The following KLF15 variants were observed in gnomAD, a reference collection of about 807,000 sequenced individuals.
KLF15 encodes the protein KLF transcription factor 15, also known as Krueppel-like factor 15.
Under a neutral mutation model 24.6 loss-of-function variants are expected in KLF15, and 4 were observed. The observed-to-expected ratio is 0.16, with a 90% CI of 0.08 to 0.37. The LOEUF is 0.37. KLF15 is among the 10% of genes least tolerant of loss of function. The pLI is 1.00. For synonymous variants in KLF15, 246 were observed against 236.3 expected (o/e 1.04, Z -0.37); for missense variants, 496 against 560.6 (o/e 0.88, Z 1.16).
At chr3:126,344,487 C>T (rs2082515387) in intron 2 of KLF15, among the ~76,000 whole-genome samples, 2 of 152,216 alleles carry the variant, frequency 1.3e-5, no homozygotes, top group African/African-American at 4.8e-5. Flanking sequence ...CCCAATGCTA[C>T]CAGGGACCAG....
the KLF15 span, among the ~76,000 whole-genome samples, chr3:126,313,853 T>C: frequency 3.3e-5 from 5 of 152,254 alleles, no homozygotes; most frequent in Non-Finnish European, 2.9e-5. Context: ...GCACGTTGTG[T>C]GGCTAAAGTC....
chr3:126,322,191 A>C, the KLF15 span, among the ~76,000 whole-genome samples: 5 of 152,138 alleles, frequency 3.3e-5, no homozygotes, highest in Admixed American at 3.3e-4. Context: ...TACCTGGATA[A>C]ATTTCTTACT....
chr3:126,328,464 A>G, the KLF15 span, among the ~76,000 whole-genome samples: 1 of 152,280 alleles, frequency 6.6e-6, no homozygotes, highest in South Asian at 2.1e-4. Flanking sequence ...GCATTGCTGG[A>G]TCAAATGGTT....
chr3:126,328,280 G>C, the KLF15 span, among the ~76,000 whole-genome samples: 1 of 152,102 alleles, frequency 6.6e-6, no homozygotes, highest in African/African-American at 2.4e-5. Context: ...TTATGGCTGA[G>C]TAGTATTCCA....
In KLF15 at chr3:126,352,582, G is replaced by A. The variant is rs267599592; in HGVS notation, c.341C>T (p.Pro114Leu). The A allele has an allele frequency of 6.2e-6, 10 of 1,612,548 alleles. No homozygotes were observed. The East Asian group carries it at 2.2e-4, about 36-fold the overall frequency. Residue 114 changes from proline to leucine, a missense_variant, in exon 2 of 3, where the codon CCT (proline) becomes CTT (leucine). Transcript: ENST00000296233. Reference protein sequence around the residue: ...AWGPWRRAAAPVKGEHFCLPE... With the variant: ...AWGPWRRAAALVKGEHFCLPE... ...CAAGCAGAAATGCTCCCCCTTCACA[G>A]GGGCCGCTGCCCTTCGCCAGGGCCC...
the KLF15 span, among the ~76,000 whole-genome samples, chr3:126,306,290 C>T: frequency 6.6e-6 from 1 of 152,076 alleles, no homozygotes; most frequent in Non-Finnish European, 1.5e-5. Context: ...GTCTTTACTC[C>T]CCTTGACAAC....
chr3:126,316,643 G>A, the KLF15 span, among the ~76,000 whole-genome samples: 13 of 150,286 alleles, frequency 8.7e-5, no homozygotes, highest in Non-Finnish European at 1.3e-4. Context: ...GAGTGCATGG[G>A]CCAGAGTAGG....
At chr3:126,320,161 T>C in the KLF15 span, among the ~76,000 whole-genome samples, 2 of 152,184 alleles carry the variant, frequency 1.3e-5, no homozygotes, top group African/African-American at 2.4e-5. Context: ...CTGAAGACTC[T>C]GACAAACTGG....
chr3:126,316,922 A>G, the KLF15 span, among the ~76,000 whole-genome samples: 1 of 152,254 alleles, frequency 6.6e-6, no homozygotes, highest in South Asian at 2.1e-4. Context: ...CCTGGAAGCC[A>G]CAGAAACATC....
chr3:126,327,037 G>A, the KLF15 span, among the ~76,000 whole-genome samples: 2 of 152,300 alleles, frequency 1.3e-5, no homozygotes, highest in Non-Finnish European at 2.9e-5. Flanking sequence ...GTGCAGGACT[G>A]CTGGCTCAAC....
Position 126,343,411 on chromosome 3 carries a change from C to CATTAA in KLF15, c.*315_*316insTTAAT. 1 of 334,272 alleles carries CATTAA rather than the reference C, an allele frequency of 3.0e-6. No individual in the cohort carries two copies. The highest frequency in any genetic ancestry group is 4.3e-5 in the South Asian group (1 of 23,438). The allele number at this position is 334,272 out of a possible 1,614,324, so 20.7% of individuals were successfully genotyped here. A position where few individuals can be genotyped will look rare whatever the true frequency, so the allele number is the denominator to read the frequency against. ...GCCCAGTGGGAGAAGGGCCAGGTCCCCAAAACTCTGCCTGCAACCAGCGGC... is the reference window on the plus strand; with the variant it reads ...GCCCAGTGGGAGAAGGGCCAGGTCCCATTAACAAAACTCTGCCTGCAACCAGCGGC... On this transcript the variant is annotated 3_prime_UTR_variant, in exon 3 of 3. Transcript: ENST00000296233.
the KLF15 span, among the ~76,000 whole-genome samples, chr3:126,312,539 T>A: frequency 6.6e-6 from 1 of 152,208 alleles, no homozygotes; most frequent in Non-Finnish European, 1.5e-5. Flanking sequence ...CTGTTTCTTA[T>A]GTCTGACTCT....
chr3:126,304,541 G>A, the KLF15 span, among the ~76,000 whole-genome samples: 1 of 152,068 alleles, frequency 6.6e-6, no homozygotes, highest in South Asian at 2.1e-4. Flanking sequence ...AGATCTTCAG[G>A]GTTCTCTTCT....
downstream of KLF15, among the ~76,000 whole-genome samples, chr3:126,338,533 AAGG>A (rs1445275228): frequency 1.3e-5 from 2 of 152,174 alleles, no homozygotes; most frequent in Non-Finnish European, 2.9e-5. Flanking sequence ...CTTCTGTGGG[AAGG>A]AGGAGACCCT....
chr3:126,292,208 G>A, the KLF15 span, among the ~76,000 whole-genome samples: 8,452 of 152,184 alleles, frequency 0.056, 333 homozygotes, highest in South Asian at 0.18. Flanking sequence ...CACAGGGCTG[G>A]GGTCCCAGTT....
At chr3:126,293,174 G>T in the KLF15 span, among the ~76,000 whole-genome samples, 11 of 150,862 alleles carry the variant, frequency 7.3e-5, no homozygotes, top group African/African-American at 2.7e-4. Flanking sequence ...AATTAGCCAG[G>T]TGTGGTGGTG....
intron 2 of KLF15, among the ~76,000 whole-genome samples, chr3:126,351,260 A>C (rs2082579859): frequency 6.6e-6 from 1 of 152,158 alleles, no homozygotes; most frequent in South Asian, 2.1e-4. Flanking sequence ...CCCAGGGAGG[A>C]AGCATAGGCG....
At chr3:126,322,281 C>G in the KLF15 span, among the ~76,000 whole-genome samples, 1 of 152,158 alleles carries the variant, frequency 6.6e-6, no homozygotes, top group Non-Finnish European at 1.5e-5. Context: ...AATCAGAAGT[C>G]CCAGAATGAA....
the KLF15 span, among the ~76,000 whole-genome samples, chr3:126,309,809 A>G: frequency 0.13 from 19,942 of 152,214 alleles, 1,454 homozygotes; most frequent in Admixed American, 0.22. Flanking sequence ...TAGCACCAGA[A>G]CGTCAGGAAG....
Sources: gnomAD v4.1 joint callset for allele counts (sites outside exome capture counted in the v4.1 genomes callset) on GRCh38, gnomAD v4.1.1 for gene constraint, MANE v1.5 for transcripts, NCBI Gene and HGNC (gene_info 2026-07-23, HGNC 2026-07-21) for gene names.